The following INO80 variants were observed in gnomAD, a reference collection of about 807,000 sequenced individuals.
INO80 encodes INO80 complex ATPase subunit.
A neutral mutation model predicts 203.4 loss-of-function variants in INO80; 20 were observed. That is an observed-to-expected ratio of 0.10 (90% confidence interval 0.07 to 0.14). The LOEUF is 0.14. Among genes scored for constraint, INO80 ranks in the 10% least tolerant of loss-of-function variants. The pLI is 1.00. For synonymous variants in INO80, 726 were observed against 685.2 expected (o/e 1.06, Z -0.93); for missense variants, 1,419 against 1,914.4 (o/e 0.74, Z 4.83).
At chr15:40,983,202 A>T (rs75164271) in intron 34 of INO80, 125 bp from the exon 35 acceptor site, 20,554 of 681,860 alleles carry the variant, frequency 0.03, 1,644 homozygotes, top group African/African-American at 0.23. Context: ...ACCCATGAGG[A>T]GGTCTATGTC....
In INO80 at chr15:41,092,161, A is replaced by G; in HGVS notation, c.403T>C (p.Ser135Pro). 6.2e-7 allele frequency: 1 copy of G among 1,605,848 alleles called. No individual in the cohort carries two copies. Among genetic ancestry groups the G allele is most frequent in the Non-Finnish European group, 8.5e-7 (1 of 1,173,332 alleles). ...WLKSILLSDE[S>P]SEADSQSEDD... is the part of the protein sequence containing the mutation. ...TCACTCTGAGAATCAGCCTCGCTGG[A>G]TTCATCACTTAGCAGAATGCTCTGA... The change falls in exon 5 of 36, where the codon TCC becomes CCC. Residue 135 changes from serine (S) to proline (P), a missense_variant. Physicochemically the swap from Ser to Pro is moderately conservative, Grantham distance 74. This residue lies in a region of INO80 where 323 missense variants were observed against 325.4 expected (regional missense o/e 0.99). Transcript: ENST00000648947.
chr15:41,035,051 C>T (rs139644545), intron 24 of INO80, among the ~76,000 whole-genome samples: 1 of 152,294 alleles, frequency 6.6e-6, no homozygotes, highest in African/African-American at 2.4e-5. Flanking sequence ...ACTATAGTTA[C>T]TATCTTTCCC....
At chr15:41,021,407 T>C (rs903469989) in intron 25 of INO80, among the ~76,000 whole-genome samples, 8 of 152,230 alleles carry the variant, frequency 5.3e-5, no homozygotes, top group Non-Finnish European at 1.0e-4. Context: ...AATAACTCTA[T>C]TATATGCATA....
At chr15:41,046,773 A>G (rs2044774950) in intron 23 of INO80, among the ~76,000 whole-genome samples, 1 of 151,548 alleles carries the variant, frequency 6.6e-6, no homozygotes, top group South Asian at 2.1e-4. Context: ...GTGTACCACC[A>G]CACCCAGCTA....
At chr15:41,003,486 C>T (rs533555572) in intron 28 of INO80, among the ~76,000 whole-genome samples, 4 of 151,566 alleles carry the variant, frequency 2.6e-5, no homozygotes, top group South Asian at 4.2e-4. Flanking sequence ...CCCACCACCA[C>T]GCCCAGCTAA....
At chr15:41,001,626 C>T (rs1048950604) in intron 28 of INO80, among the ~76,000 whole-genome samples, 1 of 152,192 alleles carries the variant, frequency 6.6e-6, no homozygotes, top group African/African-American at 2.4e-5. Context: ...CACCACAGAG[C>T]AAAGACCTTG....
chr15:41,002,526 C>T (rs189906652), intron 28 of INO80, among the ~76,000 whole-genome samples: 323 of 152,278 alleles, frequency 2.1e-3, no homozygotes, highest in Admixed American at 3.1e-3. Context: ...AGAACGACTG[C>T]GGCTCTAAAA....
intron 14 of INO80, among the ~76,000 whole-genome samples, chr15:41,065,391 C>T (rs747042340): frequency 2.0e-5 from 3 of 150,772 alleles, no homozygotes; most frequent in African/African-American, 2.4e-5. Context: ...GCCAAGATCA[C>T]GCCACTGCAC....
At chr15:41,028,363 T>C (rs1311994187) in intron 24 of INO80, among the ~76,000 whole-genome samples, 1 of 152,180 alleles carries the variant, frequency 6.6e-6, no homozygotes, top group East Asian at 1.9e-4. Context: ...CTCGAACTCC[T>C]GACCTCAGGT....
chr15:41,115,406 G>A (rs949556165), intron 1 of INO80, among the ~76,000 whole-genome samples: 2 of 152,164 alleles, frequency 1.3e-5, no homozygotes, highest in Non-Finnish European at 2.9e-5. Flanking sequence ...AAAACCAGAA[G>A]AGGTGTCATC....
At chr15:40,981,164 C>G (rs1893812856) in intron 35 of INO80, among the ~76,000 whole-genome samples, 1 of 152,088 alleles carries the variant, frequency 6.6e-6, no homozygotes, top group South Asian at 2.1e-4. Flanking sequence ...GCAGACATGT[C>G]TCTCTCCTCA....
intron 29 of INO80, 112 bp downstream of exon 29, chr15:40,997,417 T>C (rs1051676059): frequency 2.7e-5 from 19 of 711,222 alleles, no homozygotes; most frequent in Non-Finnish European, 4.5e-5. Flanking sequence ...TTTGCAAGTT[T>C]GTGACACAAA....
At chr15:40,986,559 C>T (rs750086629) in intron 31 of INO80, among the ~76,000 whole-genome samples, 3 of 151,834 alleles carry the variant, frequency 2.0e-5, no homozygotes. Context: ...CTCCTGACCT[C>T]GTGATCCACC....
Position 41,116,009 on chromosome 15 carries a change from G to A in INO80, c.-80C>T. 1 of 390,736 alleles carries A rather than the reference G, an allele frequency of 2.6e-6. No individual in the cohort carries two copies. Among genetic ancestry groups the A allele is most frequent in the Non-Finnish European group, 4.5e-6 (1 of 220,920 alleles). The allele number at this position is 390,736 out of a possible 1,614,324, so 24.2% of individuals were successfully genotyped here. ...TGGCCCCGCCGCCGCGACGGCGGCG[G>A]AGGGGGGGCGGGGTGCGGGCGGGGT... is the stretch of plus-strand genomic sequence containing the variant. On this transcript the variant is annotated 5_prime_UTR_variant, in exon 1 of 36. Coordinates refer to ENST00000648947, the MANE Select transcript of INO80 (RefSeq NM_017553.3).
chr15:40,990,998 C>T (rs1566901613), intron 29 of INO80, among the ~76,000 whole-genome samples: 1 of 152,090 alleles, frequency 6.6e-6, no homozygotes, highest in Non-Finnish European at 1.5e-5. Context: ...AGCACGAATT[C>T]ATAATGTGGG....
intron 16 of INO80, among the ~76,000 whole-genome samples, chr15:41,057,284 G>A (rs1042215353): frequency 4.0e-5 from 6 of 151,392 alleles, no homozygotes; most frequent in Non-Finnish European, 5.9e-5. Context: ...GAGAAACCCC[G>A]TGTCTACTAT....
At chr15:41,074,317 T>G in intron 10 of INO80, 53 bp downstream of exon 10, 5 of 1,360,428 alleles carry the variant, frequency 3.7e-6, no homozygotes, top group Non-Finnish European at 5.0e-6. Flanking sequence ...ATATAACCTT[T>G]AGATATAAAA....
Position 41,048,234 on chromosome 15 carries a change from T to C in INO80, c.2619A>G (p.Gln873=), listed in dbSNP as rs768689700. Residue 873 remains glutamine (Q), a synonymous_variant, in exon 22 of 36, where the codon CAA becomes CAG. Coordinates refer to ENST00000648947, the MANE Select transcript of INO80 (RefSeq NM_017553.3). ...TACCTTTTCTGTGAAAGAGAGACCG[T>C]TGGATATAGTCTGGTGCAAATGGAG... ...VLSPFAPDYI[Q]RSLFHRKGIN... 1.7e-5 allele frequency: 27 copies of C among 1,613,248 alleles called. No homozygotes were observed. Among genetic ancestry groups the C allele is most frequent in the Admixed American group, 1.3e-4 (8 of 59,972 alleles).
chr15:41,069,441 A>G, intron 14 of INO80, 129 bp downstream of exon 14: 1 of 556,518 alleles, frequency 1.8e-6, no homozygotes, highest in Non-Finnish European at 3.1e-6. Flanking sequence ...AAGTGCTGAG[A>G]TTACAAGTGT....
Sources: allele counts gnomAD v4.1 joint callset (sites outside exome capture counted in the v4.1 genomes callset), GRCh38; gene constraint gnomAD v4.1.1; regional missense constraint gnomAD v4.1.1; transcripts MANE v1.5; gene names NCBI Gene and HGNC (gene_info 2026-07-23, HGNC 2026-07-21).